The following RHCE variants were observed in gnomAD, a reference collection of about 807,000 sequenced individuals.
RHCE encodes blood group Rh(CE) polypeptide.
In RHCE, 22 loss-of-function variants were observed where a neutral mutation model predicts 43.8. The ratio of observed to expected loss-of-function variants is 0.50; its 90% CI spans 0.36 to 0.72. The LOEUF is 0.72. RHCE is among the 30% of genes least tolerant of loss of function. RHCE has a pLI of 0.00. For synonymous variants in RHCE, 156 were observed against 210.7 expected, an observed-to-expected ratio of 0.74 and a Z score of 2.25; for missense variants, 385 against 525.4, an observed-to-expected ratio of 0.73 and a Z score of 2.61.
At chr1:25,386,638 T>G (rs1177845986) in intron 6 of RHCE, among the ~76,000 whole-genome samples, 1 of 152,140 alleles carries the variant, frequency 6.6e-6, no homozygotes, top group Non-Finnish European at 1.5e-5. Flanking sequence ...ATGGCCAACA[T>G]GGCGAAACCC....
chr1:25,379,391 G>T (rs536348836), intron 7 of RHCE, among the ~76,000 whole-genome samples: 3 of 137,658 alleles, frequency 2.2e-5, no homozygotes, highest in East Asian at 4.5e-4. Flanking sequence ...ATAGCATTCT[G>T]CCCCAGCCCC....
chr1:25,424,025 T>C (rs764090693), upstream of RHCE, among the ~76,000 whole-genome samples: 111 of 152,314 alleles, frequency 7.3e-4, no homozygotes, highest in African/African-American at 2.3e-3. Context: ...GTGGAAGCCG[T>C]GCTTAGAGTT....
chr1:25,362,415 A>C lies in RHCE; in HGVS notation c.*112T>G. 1 of 1,613,348 alleles carries C rather than the reference A, an allele frequency of 6.2e-7. No individual in the cohort carries two copies. The highest frequency in any genetic ancestry group is 8.5e-7 in the Non-Finnish European group (1 of 1,179,568). ...AATCTGTCTCTGACCTTGTTTCATT[A>C]TACATAAGGAGACTTTGCTGTCATG... On this transcript the variant is annotated 3_prime_UTR_variant, in exon 10 of 10. Transcript: ENST00000294413.
intron 2 of RHCE, among the ~76,000 whole-genome samples, chr1:25,427,435 G>C (rs2042812672): frequency 6.6e-6 from 1 of 152,226 alleles, no homozygotes; most frequent in Non-Finnish European, 1.5e-5. Flanking sequence ...TCTGCTTCCT[G>C]ACTGGTGAAG....
Position 25,392,002 on chromosome 1 carries a change from G to A in RHCE, c.626C>T (p.Ala209Val), listed in dbSNP as rs760149624. Residue 209 changes from alanine to valine, a missense_variant, in exon 4 of 10, where the codon GCC becomes GTC. By Grantham distance (64) the Ala-to-Val change is moderately conservative. Coordinates refer to ENST00000294413, the MANE Select transcript of RHCE (RefSeq NM_020485.8). ...CCCCACCTTGTCCTTACCCAGCATG[G>A]CAGACAAACTGGGTATCGTTGCTCT... is the stretch of plus-strand genomic sequence containing the variant. ...DQRATIPSLS[A>V]MLGALFLWMF... 6.2e-7 allele frequency: 1 copy of A among 1,613,978 alleles called. No individual in the cohort carries two copies. The highest frequency in any genetic ancestry group is 1.1e-5 in the South Asian group (1 of 91,072).
rs765139341 is a variant in RHCE, at chr1:25,389,014, C to T, written c.901G>A (p.Ala301Thr). 4 of 1,614,236 alleles carry T rather than the reference C, an allele frequency of 2.5e-6. No individual in the cohort carries two copies. The highest frequency in any genetic ancestry group is 2.5e-6 in the Non-Finnish European group (3 of 1,180,050). ...PWLAMVLGLV[A>T]GLISIGGAKC... ...GCTCCCCCGATGGAGATCAGCCCAG[C>T]CACAAGACCCAGCACCATGGCAAGC... The change falls in exon 6 of 10, where the codon GCT (alanine) becomes ACT (threonine). Residue 301 changes from alanine to threonine, a missense_variant. Ala to Thr is a moderately conservative substitution (Grantham distance 58). Around this residue, in one of 6 missense-constraint regions of RHCE, gnomAD observed 56 missense variants for 90.0 expected, o/e 0.62. Transcript: ENST00000294413.
At chr1:25,395,514 G>T (rs1306934130) in intron 3 of RHCE, among the ~76,000 whole-genome samples, 1 of 152,140 alleles carries the variant, frequency 6.6e-6, no homozygotes, top group Non-Finnish European at 1.5e-5. Context: ...GCCCTTGGAG[G>T]TTCTTTTTGT....
At chr1:25,381,441 C>T (rs1000531383) in intron 7 of RHCE, among the ~76,000 whole-genome samples, 1 of 151,214 alleles carries the variant, frequency 6.6e-6, no homozygotes, top group African/African-American at 2.4e-5. Flanking sequence ...TTTAATGCTC[C>T]ATTCTTTTTC....
chr1:25,369,007 C>T (rs1313899327), intron 9 of RHCE, among the ~76,000 whole-genome samples: 3 of 151,744 alleles, frequency 2.0e-5, no homozygotes, highest in Admixed American at 6.5e-5. Flanking sequence ...GTGATCCACC[C>T]GCCTTGGCCT....
intron 1 of RHCE, 94 bp downstream of exon 1, chr1:25,420,545 G>C (rs1252176418): frequency 2.5e-5 from 40 of 1,610,704 alleles, no homozygotes; most frequent in Non-Finnish European, 3.3e-5. Context: ...GGATTTTGTA[G>C]AAAGGAACAT....
At chr1:25,379,477 ATATATATATATATATATATTTTT>A (rs1469481248) in intron 7 of RHCE, among the ~76,000 whole-genome samples, 1 of 13,462 alleles carries the variant, frequency 7.4e-5, no homozygotes, top group African/African-American at 2.2e-4. Context: ...ATATATATAT[ATATATATATATATATATATTTTT>A]TTTTTTTTTT....
intron 3 of RHCE, 80 bp downstream of exon 3, chr1:25,402,516 T>C: frequency 6.2e-7 from 1 of 1,611,898 alleles, no homozygotes; most frequent in Non-Finnish European, 8.5e-7. Flanking sequence ...TGTCTTTATT[T>C]TTCAAAACCC....
At chr1:25,372,882 G>A (rs1361459484) in intron 8 of RHCE, among the ~76,000 whole-genome samples, 1 of 151,648 alleles carries the variant, frequency 6.6e-6, no homozygotes, top group African/African-American at 2.4e-5. Flanking sequence ...TCAGCTCACT[G>A]CAACTTCTGC....
chr1:25,413,435 C>T (rs1167375840), intron 1 of RHCE, among the ~76,000 whole-genome samples: 1 of 152,210 alleles, frequency 6.6e-6, no homozygotes, highest in Non-Finnish European at 1.5e-5. Context: ...GCACTCACAT[C>T]AGCTGCTGGT....
chr1:25,379,477 ATATATATATATATATATATT>A (rs1645903985), intron 7 of RHCE, among the ~76,000 whole-genome samples: 1 of 13,462 alleles, frequency 7.4e-5, no homozygotes, highest in African/African-American at 2.2e-4. Flanking sequence ...ATATATATAT[ATATATATATATATATATATT>A]TTTTTTTTTT....
intron 3 of RHCE, among the ~76,000 whole-genome samples, chr1:25,401,154 A>G (rs1057344133): frequency 6.0e-4 from 92 of 152,340 alleles, no homozygotes; most frequent in African/African-American, 2.1e-3. Context: ...CCTTTGGGAT[A>G]CTGAGGCACA....
At chr1:25,424,379 T>C (rs1557650864), upstream of RHCE, among the ~76,000 whole-genome samples, 1 of 151,970 alleles carries the variant, frequency 6.6e-6, no homozygotes, top group Admixed American at 6.6e-5. Flanking sequence ...TTTCCCTGAC[T>C]GCCCTTTTTT....
chr1:25,413,372 C>G (rs1368607326), intron 1 of RHCE, among the ~76,000 whole-genome samples: 1 of 152,178 alleles, frequency 6.6e-6, no homozygotes, highest in Non-Finnish European at 1.5e-5. Context: ...GGGCTGGGTC[C>G]CAGCTTGGAG....
chr1:25,404,654 G>A (rs1029034927), intron 2 of RHCE, among the ~76,000 whole-genome samples: 24 of 150,684 alleles, frequency 1.6e-4, no homozygotes, highest in African/African-American at 5.4e-4. Flanking sequence ...GGTTAGGAGC[G>A]TGCTCTCAGG....
Sources: gnomAD v4.1 joint callset for allele counts (sites outside exome capture counted in the v4.1 genomes callset) on GRCh38, gnomAD v4.1.1 for gene constraint, gnomAD v4.1.1 regional missense constraint, MANE v1.5 for transcripts, NCBI Gene and HGNC (gene_info 2026-07-23, HGNC 2026-07-21) for gene names.